The following DMD variants were observed in gnomAD, a reference collection of about 807,000 sequenced individuals.
DMD encodes mutant dystrophin.
A neutral mutation model predicts 330.1 loss-of-function variants in DMD; 63 were observed. That is an observed-to-expected ratio of 0.19 (90% CI 0.16 to 0.24). The LOEUF (loss-of-function observed/expected upper bound fraction) is 0.24, where lower values mean the gene tolerates loss of function less well. Ranked by LOEUF, DMD falls within the 10% of genes least tolerant of loss-of-function variation. DMD has a pLI of 1.00. For synonymous variants in DMD, 1,223 were observed against 959.8 expected, an observed-to-expected ratio of 1.27 and a Z score of -5.07; for missense variants, 3,344 against 2,684.1, an observed-to-expected ratio of 1.25 and a Z score of -5.43.
intron 60 of DMD, among the ~76,000 whole-genome samples, chrX:31,405,246 C>T (rs1228888560): frequency 3.6e-5 from 4 of 111,748 alleles, no homozygotes; most frequent in African/African-American, 6.5e-5. Context: ...CTTAACCATT[C>T]GTATCAGATG....
intron 1 of DMD, among the ~76,000 whole-genome samples, chrX:33,107,127 C>A (rs904929694): frequency 1.8e-5 from 2 of 111,776 alleles, no homozygotes; most frequent in Non-Finnish European, 3.8e-5. Flanking sequence ...GCCTGGCCAA[C>A]ATGGTGAAAC....
At chrX:31,580,142 C>T (rs1380510929) in intron 55 of DMD, among the ~76,000 whole-genome samples, 3 of 111,902 alleles carry the variant, frequency 2.7e-5, no homozygotes, top group East Asian at 2.8e-4. Flanking sequence ...ACCTTAATTC[C>T]GTCTGGAATA....
intron 37 of DMD, among the ~76,000 whole-genome samples, chrX:32,349,030 T>A (rs1335632801): frequency 3.6e-5 from 4 of 111,606 alleles, no homozygotes; most frequent in African/African-American, 1.3e-4. Context: ...TTGACAGGCA[T>A]GCTCTTCTAA....
chrX:31,271,215 T>C (rs1384555954), intron 62 of DMD, among the ~76,000 whole-genome samples: 2 of 111,485 alleles, frequency 1.8e-5, no homozygotes, highest in African/African-American at 6.5e-5. Flanking sequence ...AAAGAGATGA[T>C]GAATCCAGTC....
chrX:33,285,220 C>G (rs1170697848), intron 1 of DMD, among the ~76,000 whole-genome samples: 1 of 111,582 alleles, frequency 9.0e-6, no homozygotes, highest in Non-Finnish European at 1.9e-5. Flanking sequence ...ATATACAAAG[C>G]ATAGGTTGTG....
At chrX:32,669,762 T>A (rs1181052989) in intron 9 of DMD, among the ~76,000 whole-genome samples, 1 of 111,373 alleles carries the variant, frequency 9.0e-6, no homozygotes, top group Non-Finnish European at 1.9e-5. Context: ...TCCATTCAGC[T>A]TCATAAGTCC....
At position 32,657,040 on chromosome X, in the gene DMD, T is replaced by TG. The variant is rs72080983; in HGVS notation, c.961-11889_961-11888insC. ...GTGTGTGTGTGTGTGTGTGTGTGTG[T>TG]TTTCTTCCTCTAATTTCTCTAATTC... is the stretch of plus-strand genomic sequence containing the variant. On this transcript the variant is annotated intron_variant, in intron 9 of 78. Transcript: ENST00000357033. Among the ~76,000 whole-genome samples the TG allele has an allele frequency of 8.7e-3, 953 of 109,817 alleles. 10 individuals are homozygous for TG. Among genetic ancestry groups the TG allele is most frequent in the African/African-American group, 0.03 (914 of 30,000 alleles).
intron 51 of DMD, among the ~76,000 whole-genome samples, chrX:31,738,511 T>C (rs1164393018): frequency 8.9e-6 from 1 of 112,261 alleles, no homozygotes; most frequent in African/African-American, 3.2e-5. Flanking sequence ...TGGAGAACCG[T>C]TTGGAGGTTC....
intron 7 of DMD, among the ~76,000 whole-genome samples, chrX:32,768,730 T>C (rs1458718447): frequency 8.9e-6 from 1 of 112,164 alleles, no homozygotes; most frequent in Non-Finnish European, 1.9e-5. Flanking sequence ...CTTGAGGTAA[T>C]TAAGCTCCCC....
At chrX:31,224,164 C>A (rs1253187850) in intron 63 of DMD, among the ~76,000 whole-genome samples, 1 of 112,165 alleles carries the variant, frequency 8.9e-6, no homozygotes, top group Non-Finnish European at 1.9e-5. Flanking sequence ...TTCCTAGCAA[C>A]TTAATATGCA....
chrX:31,548,710 T>A (rs758418699), intron 55 of DMD, among the ~76,000 whole-genome samples: 34 of 110,799 alleles, frequency 3.1e-4, no homozygotes, highest in African/African-American at 1.0e-3. Context: ...GTATCTTTGT[T>A]TAATGATGGC....
chrX:31,977,836 A>G (rs1329955643), intron 44 of DMD, among the ~76,000 whole-genome samples: 2 of 109,752 alleles, frequency 1.8e-5, no homozygotes, highest in Non-Finnish European at 3.8e-5. Flanking sequence ...ACTCCCCATT[A>G]TCAGTACATT....
chrX:31,178,356 T>G, intron 70 of DMD: 1 of 965,117 alleles, frequency 1.0e-6, no homozygotes, highest in Non-Finnish European at 1.3e-6. Flanking sequence ...AATGAAATAC[T>G]GGAATCACTC....
chrX:32,152,192 A>G (rs2096806921), intron 44 of DMD, among the ~76,000 whole-genome samples: 1 of 112,196 alleles, frequency 8.9e-6, no homozygotes, highest in Admixed American at 9.5e-5. Context: ...TATGGGCTAC[A>G]TTACAATGTT....
chrX:32,496,115 AC>A (rs1257522515), intron 19 of DMD, among the ~76,000 whole-genome samples: 1 of 112,082 alleles, frequency 8.9e-6, no homozygotes, highest in East Asian at 2.8e-4. Context: ...TTAAATGTGC[AC>A]CACCTTCCAT....
rs187402673 is a variant in DMD, at chrX:32,511,714, G to T, written c.2292+6294C>A. On this transcript the variant is annotated intron_variant, in intron 18 of 78. Transcript: ENST00000357033. ...AATTTCGTCCTCATGAAGTCATCCA[G>T]CTTTTCTGTATGTGTGTTTTTCTAT... Among the ~76,000 whole-genome samples, 513 of 109,727 alleles carry T rather than the reference G, an allele frequency of 4.7e-3. 2 individuals carry two copies. Among genetic ancestry groups the T allele is most frequent in the Middle Eastern group, 9.4e-3 (2 of 213 alleles).
intron 1 of DMD, among the ~76,000 whole-genome samples, chrX:33,269,178 G>T (rs763361225): frequency 1.8e-5 from 2 of 110,898 alleles, no homozygotes; most frequent in African/African-American, 3.3e-5. Flanking sequence ...CAAAAATATC[G>T]AATCAACCTA....
intron 7 of DMD, among the ~76,000 whole-genome samples, chrX:32,769,980 T>G (rs2073427285): frequency 1.8e-5 from 2 of 112,029 alleles, no homozygotes; most frequent in African/African-American, 6.5e-5. Context: ...GTACAGACTA[T>G]GCATGAAGTA....
At chrX:31,272,954 T>A (rs2051779934) in intron 62 of DMD, among the ~76,000 whole-genome samples, 1 of 112,291 alleles carries the variant, frequency 8.9e-6, no homozygotes, top group Admixed American at 9.4e-5. Flanking sequence ...TAATGGACAG[T>A]CTACTACAAG....
Sources: gnomAD v4.1 joint callset for allele counts (sites outside exome capture counted in the v4.1 genomes callset) on GRCh38, gnomAD v4.1.1 for gene constraint, MANE v1.5 for transcripts, NCBI Gene and HGNC (gene_info 2026-07-23, HGNC 2026-07-21) for gene names.